The following KSR2 variants were observed in gnomAD, a reference collection of about 807,000 sequenced individuals.
KSR2 encodes the protein kinase suppressor of ras 2.
Under a neutral mutation model 107.8 loss-of-function variants are expected in KSR2, and 25 were observed. The observed-to-expected ratio is 0.23, with a 90% CI of 0.17 to 0.32. KSR2 has a LOEUF of 0.32. Ranked by LOEUF, KSR2 falls within the 10% of genes least tolerant of loss-of-function variation. The probability of loss-of-function intolerance (pLI) is 1.00; values close to 1 mark genes in which losing one functional copy is unlikely to be tolerated. For synonymous variants in KSR2, 480 were observed against 507.0 expected, an observed-to-expected ratio of 0.95 and a Z score of 0.71; for missense variants, 887 against 1,268.9, an observed-to-expected ratio of 0.70 and a Z score of 4.57.
chr12:117,762,332 G>A (rs143712402), intron 3 of KSR2, among the ~76,000 whole-genome samples: 193 of 152,246 alleles, frequency 1.3e-3, no homozygotes, highest in African/African-American at 4.1e-3. Flanking sequence ...CTCAGCCACC[G>A]CATACTTCCT....
At chr12:117,571,085 C>T (rs964441059) in intron 7 of KSR2, among the ~76,000 whole-genome samples, 6 of 152,112 alleles carry the variant, frequency 3.9e-5, no homozygotes, top group African/African-American at 1.4e-4. Flanking sequence ...TAGTGAAACC[C>T]TGTCTCTACT....
chr12:117,798,698 G>C (rs1484522584), intron 3 of KSR2, among the ~76,000 whole-genome samples: 1 of 108,158 alleles, frequency 9.2e-6, no homozygotes, highest in Non-Finnish European at 1.7e-5. Context: ...GGGGGAGGTA[G>C]GCAAAAAGTC....
intron 1 of KSR2, among the ~76,000 whole-genome samples, chr12:117,924,572 C>CAAAAAAAAAAAAAAAAAAAAA (rs58789868): frequency 5.1e-5 from 2 of 39,530 alleles, no homozygotes; most frequent in Admixed American, 3.1e-4. Flanking sequence ...AGCTCCATCT[C>CAAAAAAAAAAAAAAAAAAAAA]AAAAAAAAAA....
At chr12:117,855,694 C>T in intron 2 of KSR2, 116 bp from the exon 3 acceptor site, 1 of 1,023,632 alleles carries the variant, frequency 9.8e-7, no homozygotes, top group South Asian at 1.5e-5. Flanking sequence ...CTTTGCATGA[C>T]AGTGGGGTCT....
intron 5 of KSR2, among the ~76,000 whole-genome samples, chr12:117,589,668 C>T (rs1051865038): frequency 3.7e-4 from 56 of 152,190 alleles, no homozygotes; most frequent in African/African-American, 9.2e-4. Flanking sequence ...TTATCCAAGG[C>T]GCCAACCAAT....
chr12:117,928,432 C>G (rs548232318), intron 1 of KSR2, among the ~76,000 whole-genome samples: 1 of 152,330 alleles, frequency 6.6e-6, no homozygotes, highest in African/African-American at 2.4e-5. Context: ...AGTCTGCCCA[C>G]CTGGGCCTCC....
At chr12:117,875,045 C>T (rs1443469495) in intron 1 of KSR2, among the ~76,000 whole-genome samples, 2 of 152,106 alleles carry the variant, frequency 1.3e-5, no homozygotes, top group Admixed American at 6.6e-5. Flanking sequence ...GCACCTTCCA[C>T]GACAGATGGA....
At chr12:117,528,655 A>G (rs1235933249) in intron 12 of KSR2, among the ~76,000 whole-genome samples, 3 of 152,196 alleles carry the variant, frequency 2.0e-5, no homozygotes, top group Non-Finnish European at 2.9e-5. Flanking sequence ...AGCCTGGGAA[A>G]GTGGAATGAA....
intron 16 of KSR2, among the ~76,000 whole-genome samples, chr12:117,483,138 C>T (rs964700450): frequency 2.0e-5 from 3 of 152,234 alleles, no homozygotes; most frequent in African/African-American, 7.2e-5. Context: ...ATATTTACTG[C>T]CTACTTACTG....
chr12:117,711,194 T>G (rs1038365797), intron 4 of KSR2, among the ~76,000 whole-genome samples: 2 of 152,202 alleles, frequency 1.3e-5, no homozygotes, highest in Non-Finnish European at 1.5e-5. Flanking sequence ...ATGAGATAGA[T>G]AAAACAATTT....
chr12:117,872,130 A>G (rs183924444), intron 1 of KSR2, among the ~76,000 whole-genome samples: 144 of 152,326 alleles, frequency 9.5e-4, no homozygotes, highest in African/African-American at 3.3e-3. Context: ...TACTTGATAC[A>G]TTATTTCACT....
At chr12:117,789,486 C>A (rs907986340) in intron 3 of KSR2, among the ~76,000 whole-genome samples, 1 of 152,218 alleles carries the variant, frequency 6.6e-6, no homozygotes, top group African/African-American at 2.4e-5. Flanking sequence ...GCAGCTACCA[C>A]GATTCCCTTT....
chr12:117,854,406 C>A (rs1366438681), intron 3 of KSR2, among the ~76,000 whole-genome samples: 2 of 152,198 alleles, frequency 1.3e-5, no homozygotes, highest in East Asian at 3.9e-4. Flanking sequence ...TGACCTGTTT[C>A]AAGTATGTTC....
chr12:117,854,564 T>G (rs1195500249), intron 3 of KSR2, among the ~76,000 whole-genome samples: 1 of 152,218 alleles, frequency 6.6e-6, no homozygotes, highest in African/African-American at 2.4e-5. Context: ...AGCCTCCACC[T>G]GACTCTGCCA....
intron 4 of KSR2, among the ~76,000 whole-genome samples, chr12:117,728,190 T>C (rs1887516395): frequency 6.6e-6 from 1 of 152,346 alleles, no homozygotes; most frequent in East Asian, 1.9e-4. Flanking sequence ...TGGTTTTTAT[T>C]GTATATAATT....
intron 3 of KSR2, among the ~76,000 whole-genome samples, chr12:117,783,702 G>A (rs1053102189): frequency 2.6e-5 from 4 of 152,122 alleles, no homozygotes; most frequent in African/African-American, 7.2e-5. Flanking sequence ...TGTCAGTTTT[G>A]GCCAAAAGTT....
intron 4 of KSR2, among the ~76,000 whole-genome samples, chr12:117,701,584 AG>A (rs1886319159): frequency 6.6e-6 from 1 of 152,170 alleles, no homozygotes; most frequent in Admixed American, 6.5e-5. Flanking sequence ...TTGGGGCAAA[AG>A]GGGGGTCCTT....
intron 3 of KSR2, among the ~76,000 whole-genome samples, chr12:117,767,663 T>C (rs1209739921): frequency 1.4e-5 from 2 of 146,010 alleles, no homozygotes; most frequent in East Asian, 4.2e-4. Flanking sequence ...CCCACGCGTG[T>C]AGTCCCAGCT....
intron 1 of KSR2, among the ~76,000 whole-genome samples, chr12:117,917,216 T>C (rs1268496132): frequency 6.6e-6 from 1 of 152,192 alleles, no homozygotes; most frequent in African/African-American, 2.4e-5. Flanking sequence ...AGTAACATTA[T>C]AATAAAATTA....
Sources: gnomAD v4.1 joint callset for allele counts (sites outside exome capture counted in the v4.1 genomes callset) on GRCh38, gnomAD v4.1.1 for gene constraint, MANE v1.5 for transcripts, NCBI Gene and HGNC (gene_info 2026-07-23, HGNC 2026-07-21) for gene names.